Variants in SLC35F4 observed in about 807,000 individuals in gnomAD.
SLC35F4 encodes chromosome 14 open reading frame 36.
Under a neutral mutation model 44.2 loss-of-function variants are expected in SLC35F4, and 24 were observed. The ratio of observed to expected loss-of-function variants is 0.54; its 90% confidence interval spans 0.39 to 0.76. SLC35F4 has a LOEUF of 0.76. Ranked by LOEUF, SLC35F4 falls within the 30% of genes least tolerant of loss-of-function variation. The probability of loss-of-function intolerance (pLI) is 0.00; values close to 1 mark genes in which losing one functional copy is unlikely to be tolerated. For synonymous variants in SLC35F4, 238 were observed against 223.6 expected, an observed-to-expected ratio of 1.06 and a Z score of -0.57; for missense variants, 562 against 586.1, an observed-to-expected ratio of 0.96 and a Z score of 0.42.
At chr14:57,953,830 A>G (rs1890186733) in intron 1 of SLC35F4, among the ~76,000 whole-genome samples, 1 of 152,202 alleles carries the variant, frequency 6.6e-6, no homozygotes, top group South Asian at 2.1e-4. Context: ...TAATAGTGGG[A>G]GACTTTAACA....
At chr14:57,892,933 A>G (rs1888801182) in intron 1 of SLC35F4, among the ~76,000 whole-genome samples, 1 of 152,342 alleles carries the variant, frequency 6.6e-6, no homozygotes, top group Admixed American at 6.5e-5. Context: ...TAAAAAAAGA[A>G]TCTGTGAGTA....
intron 1 of SLC35F4, among the ~76,000 whole-genome samples, chr14:57,940,484 T>C (rs1200943276): frequency 6.6e-6 from 1 of 152,196 alleles, no homozygotes; most frequent in Non-Finnish European, 1.5e-5. Flanking sequence ...TTGCCTCTCT[T>C]ATCTTAGATA....
intron 1 of SLC35F4, among the ~76,000 whole-genome samples, chr14:57,873,561 A>T (rs1888337060): frequency 6.6e-6 from 1 of 152,254 alleles, no homozygotes; most frequent in East Asian, 1.9e-4. Context: ...GGTGAAAAAA[A>T]TCAGAATTCT....
chr14:57,640,900 T>C (rs1028399073), intron 1 of SLC35F4, among the ~76,000 whole-genome samples: 20 of 152,098 alleles, frequency 1.3e-4, no homozygotes, highest in South Asian at 4.1e-4. Flanking sequence ...TTGAAGGCAA[T>C]TGATATAGCA....
At chr14:57,726,770 G>A (rs1005305330) in intron 1 of SLC35F4, among the ~76,000 whole-genome samples, 1 of 152,146 alleles carries the variant, frequency 6.6e-6, no homozygotes, top group Non-Finnish European at 1.5e-5. Context: ...TTGGACTGAA[G>A]GATGCAAATT....
chr14:57,972,562 A>G (rs1881085421), downstream of SLC35F4, among the ~76,000 whole-genome samples: 1 of 152,192 alleles, frequency 6.6e-6, no homozygotes, highest in South Asian at 2.1e-4. Context: ...AAAAACCTTA[A>G]CATTTCATTT....
intron 1 of SLC35F4, among the ~76,000 whole-genome samples, chr14:57,628,782 A>G (rs141802379): frequency 3.3e-3 from 498 of 152,286 alleles, no homozygotes; most frequent in Non-Finnish European, 4.6e-3. Context: ...ACTACCTGAT[A>G]TGTAAATAAG....
chr14:57,946,000 G>C (rs1890019552), intron 1 of SLC35F4, among the ~76,000 whole-genome samples: 1 of 152,054 alleles, frequency 6.6e-6, no homozygotes, highest in African/African-American at 2.4e-5. Context: ...ATTTGTTTGA[G>C]TGCCTTGTAG....
chr14:57,591,877 C>T (rs1325269849), intron 2 of SLC35F4, among the ~76,000 whole-genome samples: 1 of 152,238 alleles, frequency 6.6e-6, no homozygotes, highest in Non-Finnish European at 1.5e-5. Context: ...GAGGCAATAT[C>T]TGCCTTTACT....
chr14:57,904,589 C>G (rs886629156), intron 1 of SLC35F4, among the ~76,000 whole-genome samples: 1 of 152,272 alleles, frequency 6.6e-6, no homozygotes, highest in Non-Finnish European at 1.5e-5. Context: ...TTGAAGTGGG[C>G]TTTGGATCTC....
intron 1 of SLC35F4, among the ~76,000 whole-genome samples, chr14:57,937,590 GAAAAGAAAAGAAAAGAAAAGAAAA>G (rs1889827714): frequency 2.1e-4 from 3 of 14,344 alleles, no homozygotes; most frequent in African/African-American, 1.4e-3. Context: ...AGAAAAGAAA[GAAAAGAAAAGAAAAGAAAAGAAAA>G]GAAAAGAAAA....
intron 1 of SLC35F4, among the ~76,000 whole-genome samples, chr14:57,687,763 A>C (rs1258366652): frequency 2.6e-5 from 4 of 152,188 alleles, no homozygotes; most frequent in African/African-American, 9.6e-5. Context: ...ACCAGGAACT[A>C]ATGAGCTATT....
chr14:57,784,487 C>T (rs1364726918), intron 1 of SLC35F4, among the ~76,000 whole-genome samples: 1 of 152,192 alleles, frequency 6.6e-6, no homozygotes, highest in South Asian at 2.1e-4. Flanking sequence ...AGGTCAAGAC[C>T]AGCCTGGGCT....
At chr14:57,617,296 A>T (rs981308082) in intron 1 of SLC35F4, among the ~76,000 whole-genome samples, 2 of 151,664 alleles carry the variant, frequency 1.3e-5, no homozygotes, top group African/African-American at 4.8e-5. Context: ...ACATTCGGCT[A>T]ACTTTTTATA....
intron 2 of SLC35F4, among the ~76,000 whole-genome samples, chr14:57,593,029 G>C (rs557549123): frequency 3.9e-4 from 60 of 152,274 alleles, no homozygotes; most frequent in African/African-American, 1.4e-3. Flanking sequence ...CACAGGTAGG[G>C]GGCTAAAATT....
chr14:57,805,019 A>C (rs530600800), intron 1 of SLC35F4, among the ~76,000 whole-genome samples: 1 of 152,236 alleles, frequency 6.6e-6, no homozygotes, highest in Admixed American at 6.5e-5. Flanking sequence ...CATATGAAAA[A>C]AAGCTCAACA....
chr14:57,884,752 T>C (rs1888612728), intron 1 of SLC35F4, among the ~76,000 whole-genome samples: 1 of 152,186 alleles, frequency 6.6e-6, no homozygotes, highest in South Asian at 2.1e-4. Context: ...ATTATGACTA[T>C]ATTAGTATGA....
chr14:57,594,917 A>G (rs879783322), intron 1 of SLC35F4, among the ~76,000 whole-genome samples: 35 of 152,336 alleles, frequency 2.3e-4, no homozygotes, highest in Non-Finnish European at 4.1e-4. Flanking sequence ...ATATAGTCAC[A>G]TAGGGTGCTG....
chr14:57,798,613 G>A (rs1246051023), intron 1 of SLC35F4, among the ~76,000 whole-genome samples: 3 of 152,160 alleles, frequency 2.0e-5, no homozygotes, highest in African/African-American at 4.8e-5. Context: ...ATGCTGTCGA[G>A]CACACACCTG....
Sources: gnomAD v4.1 joint callset for allele counts (sites outside exome capture counted in the v4.1 genomes callset) on GRCh38, gnomAD v4.1.1 for gene constraint, MANE v1.5 for transcripts, NCBI Gene and HGNC (gene_info 2026-07-23, HGNC 2026-07-21) for gene names.